Variants in ELN observed in about 807,000 individuals in gnomAD.
The protein encoded by ELN is tropoelastin.
A neutral mutation model predicts 105.8 loss-of-function variants in ELN; 65 were observed. That is an observed-to-expected ratio of 0.61 (90% confidence interval 0.50 to 0.75). The LOEUF (loss-of-function observed/expected upper bound fraction) is 0.75. Ranked by LOEUF, ELN falls within the 30% of genes least tolerant of loss-of-function variation. The probability of loss-of-function intolerance (pLI) is 0.00; values close to 1 mark genes in which losing one functional copy is unlikely to be tolerated. For missense variants in ELN, 882 were observed against 969.4 expected (o/e 0.91, Z 1.20); for synonymous variants, 368 against 389.2 (o/e 0.95, Z 0.64).
At chr7:74,034,934 C>T (rs1384263903) in intron 1 of ELN, among the ~76,000 whole-genome samples, 1 of 152,092 alleles carries the variant, frequency 6.6e-6, no homozygotes, top group Non-Finnish European at 1.5e-5. Context: ...AACCCTGTCT[C>T]CACTAAAAAT....
intron 30 of ELN, 37 bp from the exon 31 acceptor site, chr7:74,065,907 G>A: frequency 4.3e-6 from 7 of 1,614,098 alleles, no homozygotes; most frequent in Non-Finnish European, 5.1e-6. Flanking sequence ...CTTCCCGATG[G>A]GGGTGTCTTA....
At chr7:74,056,617 G>C in intron 20 of ELN, 55 bp from the exon 21 acceptor site, 2 of 1,613,186 alleles carry the variant, frequency 1.2e-6, no homozygotes, top group Non-Finnish European at 1.7e-6. Flanking sequence ...AACACGGCTC[G>C]GAGGAGACCC....
At chr7:74,064,871 C>T (rs1797602755) in intron 29 of ELN, among the ~76,000 whole-genome samples, 1 of 152,176 alleles carries the variant, frequency 6.6e-6, no homozygotes. Flanking sequence ...GTCATTGTGT[C>T]TCCCCCTGTA....
intron 1 of ELN, among the ~76,000 whole-genome samples, chr7:74,028,693 T>C (rs1554660439): frequency 6.6e-6 from 1 of 152,158 alleles, no homozygotes; most frequent in African/African-American, 2.4e-5. Flanking sequence ...CTGGGCTTGA[T>C]ACCAGCTCAA....
intron 22 of ELN, among the ~76,000 whole-genome samples, chr7:74,058,997 C>T (rs1795998438): frequency 6.6e-6 from 1 of 151,942 alleles, no homozygotes. Context: ...GTCAGCTCGC[C>T]GCAGGCCTCA....
chr7:74,056,413 T>C lies in ELN; in HGVS notation c.1293T>C (p.Gly431=). Reference sequence around the variant, plus strand: ...TCGGAGGTGTTCCCGGAGTCGGAGGTGTCCCGGGAGTTGGCATTTCCCGTG... The same window carrying C: ...TCGGAGGTGTTCCCGGAGTCGGAGGCGTCCCGGGAGTTGGCATTTCCCGTG... ...PGVGGVPGVG[G]VPGVGISPEA... The change falls in exon 20 of 33, where the codon GGT becomes GGC. Residue 431 remains glycine (G), a synonymous_variant. Coordinates refer to ENST00000252034, the MANE Select transcript of ELN (RefSeq NM_000501.4). The C allele has an allele frequency of 6.2e-7, 1 of 1,613,658 alleles. No homozygotes were observed. The highest frequency in any genetic ancestry group is 8.5e-7 in the Non-Finnish European group (1 of 1,179,820).
Position 74,069,129 on chromosome 7 carries a change from C to T in ELN, c.*429C>T, listed in dbSNP as rs62476387. On this transcript the variant is annotated 3_prime_UTR_variant, in exon 33 of 33. Transcript: ENST00000252034. ...TCCTGGGCAGTCCCAGCTCCCCCTG[C>T]CCACCAGGACCCACCGTTGGCTGCC... The T allele has an allele frequency of 4.1e-3, 1,254 of 303,100 alleles. 2 individuals are homozygous for T. The highest frequency in any genetic ancestry group is 6.1e-3 in the Non-Finnish European group (971 of 158,708). 18.8% of individuals were successfully genotyped at this position (303,100 alleles called of 1,614,324 possible). A position where few individuals can be genotyped will look rare whatever the true frequency, so the allele number is the denominator to read the frequency against.
At chr7:74,028,871 T>C (rs1386073345) in intron 1 of ELN, among the ~76,000 whole-genome samples, 1 of 152,038 alleles carries the variant, frequency 6.6e-6, no homozygotes, top group East Asian at 1.9e-4. Context: ...TTTGTGTGTG[T>C]GTGTGTGTGT....
In ELN at chr7:74,037,081, A is replaced by G. The variant is rs552562073; in HGVS notation, c.163+497A>G. Among the ~76,000 whole-genome samples, 6 of 151,944 alleles carry G rather than the reference A, an allele frequency of 3.9e-5. No individual in the cohort carries two copies. In the South Asian group the frequency reaches 1.2e-3, roughly 32 times the overall value. The stretch of plus-strand genomic sequence containing the variant: ...AGTGATCTGCCTGACTCGGCCTCTC[A>G]AAGTGCTGGGATTACAGGCGTGAGC... On this transcript the variant is annotated intron_variant, in intron 3 of 32. Transcript: ENST00000252034.
chr7:74,057,234 A>G (rs989223685), intron 21 of ELN: 1 of 689,446 alleles, frequency 1.5e-6, no homozygotes, highest in Admixed American at 3.6e-5. Context: ...CAAGACTCCA[A>G]CTCTAAAAAT....
rs886062434 is a variant in ELN, at chr7:74,069,697, G to T, written c.*997G>T. On this transcript the variant is annotated 3_prime_UTR_variant, in exon 33 of 33. Transcript: ENST00000252034. The stretch of plus-strand genomic sequence containing the variant: ...TCCTGGATATTTGGGGATTATTTTT[G>T]ATTGTTGATATTCTCTTTTGGTTTT... 4 of 231,678 alleles carry T rather than the reference G, an allele frequency of 1.7e-5. No individual in the cohort carries two copies. The highest frequency in any genetic ancestry group is 2.6e-5 in the Non-Finnish European group (3 of 117,234). The allele number at this position is 231,678 out of a possible 1,614,324, so 14.4% of individuals were successfully genotyped here.
chr7:74,057,560 T>C (rs1583922227), intron 21 of ELN, 80 bp from the exon 22 acceptor site: 1 of 1,609,246 alleles, frequency 6.2e-7, no homozygotes, highest in Non-Finnish European at 8.5e-7. Context: ...ATTTTACAAA[T>C]GGGAAGACTG....
Position 74,057,650 on chromosome 7 carries a change from C to A in ELN, c.1368C>A (p.Thr456=). 6.2e-7 allele frequency: 1 copy of A among 1,613,878 alleles called. No homozygotes were observed. Residue 456 remains threonine (T), a synonymous_variant, in exon 22 of 33, where the codon ACC becomes ACA. Coordinates refer to ENST00000252034, the MANE Select transcript of ELN (RefSeq NM_000501.4). Reference sequence around the variant, plus strand: ...TCTTCACACCTCCAGGAGTGGGGACCCCAGCAGCTGCAGCTGCTAAAGCAG... The same window carrying A: ...TCTTCACACCTCCAGGAGTGGGGACACCAGCAGCTGCAGCTGCTAAAGCAG... The part of the protein sequence containing the change: ...AAKAAKYGVG[T]PAAAAAKAAA...
chr7:74,048,665 C>T (rs1402700642), intron 15 of ELN, 109 bp downstream of exon 15: 9 of 1,360,784 alleles, frequency 6.6e-6, no homozygotes, highest in Non-Finnish European at 8.2e-6. Flanking sequence ...CCCCCATTTA[C>T]TCAAAATTTT....
intron 32 of ELN, among the ~76,000 whole-genome samples, chr7:74,067,607 G>A (rs912159966): frequency 2.6e-5 from 4 of 151,698 alleles, no homozygotes; most frequent in South Asian, 2.1e-4. Flanking sequence ...GCATGGTGGC[G>A]GGCACCTGTA....
chr7:74,028,301 GCC>G (rs1338927186), intron 1 of ELN, 32 bp downstream of exon 1: 1 of 1,593,150 alleles, frequency 6.3e-7, no homozygotes. Flanking sequence ...CCCCAGCGCT[GCC>G]CACAGCTGCG....
intron 1 of ELN, among the ~76,000 whole-genome samples, chr7:74,029,103 C>G (rs1328617702): frequency 5.9e-5 from 9 of 152,114 alleles, no homozygotes; most frequent in Non-Finnish European, 1.3e-4. Context: ...TGCCACCTGA[C>G]AGACATGTAG....
intron 31 of ELN, 100 bp from the exon 32 acceptor site, chr7:74,066,632 C>A: frequency 8.8e-7 from 1 of 1,132,744 alleles, no homozygotes; most frequent in Non-Finnish European, 1.3e-6. Flanking sequence ...GGAGGTGATC[C>A]CAGACAGAGG....
intron 16 of ELN, 37 bp from the exon 17 acceptor site, chr7:74,051,886 CA>C: frequency 6.2e-7 from 1 of 1,614,148 alleles, no homozygotes; most frequent in Non-Finnish European, 8.5e-7. Context: ...GAGATGGCCA[CA>C]GGGCAAGGAC....
Sources: allele counts gnomAD v4.1 joint callset (sites outside exome capture counted in the v4.1 genomes callset), GRCh38; gene constraint gnomAD v4.1.1; transcripts MANE v1.5; gene names NCBI Gene and HGNC (gene_info 2026-07-23, HGNC 2026-07-21).